RALYL: variants seen among roughly 807,000 people sequenced by gnomAD.
The protein encoded by RALYL is RNA-binding Raly-like protein.
Under a neutral mutation model 35.1 loss-of-function variants are expected in RALYL, and 29 were observed. The observed-to-expected ratio is 0.83, with a 90% CI of 0.61 to 1.13. RALYL has a LOEUF of 1.13. Among genes scored for constraint, RALYL ranks in the 50% most tolerant of loss-of-function variants. The pLI, the probability that RALYL is intolerant of heterozygous loss-of-function variation, is 0.00. For synonymous variants in RALYL, 120 were observed against 127.6 expected (o/e 0.94, Z 0.40); for missense variants, 359 against 360.4 (o/e 1.00, Z 0.03).
chr8:84,581,500 A>T (rs1810824958), intron 2 of RALYL, among the ~76,000 whole-genome samples: 1 of 152,212 alleles, frequency 6.6e-6, no homozygotes. Flanking sequence ...GGACTACGTT[A>T]ACTGATACAT....
rs1412280777 is a variant in RALYL, at chr8:84,523,988, G to A, written c.-23-5311G>A. Among the ~76,000 whole-genome samples, 13 of 152,154 alleles carry A rather than the reference G, an allele frequency of 8.5e-5. No homozygotes were observed. The East Asian group carries it at 1.7e-3, about 20-fold the overall frequency. ...CTGCAATAAACATACATGTGCATGT[G>A]TCTTTATAGCAGCATGATTTATAGT... On this transcript the variant is annotated intron_variant, in intron 1 of 8. Transcript: ENST00000521268.
intron 8 of RALYL, among the ~76,000 whole-genome samples, chr8:84,908,015 G>T (rs1846826477): frequency 6.6e-6 from 1 of 152,018 alleles, no homozygotes; most frequent in Non-Finnish European, 1.5e-5. Context: ...TCTCATTAAT[G>T]CAATCCAAAG....
In RALYL at chr8:84,611,995, G is replaced by A. The variant is rs954240962; in HGVS notation, c.256+82418G>A. Among the ~76,000 whole-genome samples, 7 of 151,660 alleles carry A rather than the reference G, an allele frequency of 4.6e-5. No individual in the cohort carries two copies. The East Asian group carries it at 5.8e-4, about 13-fold the overall frequency. ...TTTTTTTAAATAAATTTACTGTTCC[G>A]GTTTTTTTGTTAATTTTTGTATTTG... is the stretch of plus-strand genomic sequence containing the variant. On this transcript the variant is annotated intron_variant, in intron 2 of 8. Transcript: ENST00000521268.
intron 1 of RALYL, among the ~76,000 whole-genome samples, chr8:84,341,975 T>C (rs1467475014): frequency 6.6e-6 from 1 of 151,834 alleles, no homozygotes; most frequent in Non-Finnish European, 1.5e-5. Flanking sequence ...CTAGTGTAAC[T>C]AACACAGAGG....
At chr8:84,301,383 C>T (rs73296711) in intron 1 of RALYL, among the ~76,000 whole-genome samples, 7,042 of 152,032 alleles carry the variant, frequency 0.046, 265 homozygotes, top group African/African-American at 0.083. Flanking sequence ...TCTTTTATAG[C>T]ATCACACAGG....
At chr8:84,303,680 G>A (rs930601525) in intron 1 of RALYL, among the ~76,000 whole-genome samples, 2 of 152,146 alleles carry the variant, frequency 1.3e-5, no homozygotes, top group African/African-American at 4.8e-5. Flanking sequence ...TGGATATAAT[G>A]TAATGTCCTA....
chr8:84,494,115 T>C (rs2055693147), intron 1 of RALYL, among the ~76,000 whole-genome samples: 1 of 152,216 alleles, frequency 6.6e-6, no homozygotes, highest in South Asian at 2.1e-4. Context: ...TTCAGTTTTC[T>C]GCATATGGCT....
chr8:84,905,375 A>G (rs1360367073), intron 8 of RALYL, among the ~76,000 whole-genome samples: 2 of 152,158 alleles, frequency 1.3e-5, no homozygotes, highest in Non-Finnish European at 2.9e-5. Context: ...TAGTGCTGTA[A>G]TGAGTGTAAG....
intron 2 of RALYL, among the ~76,000 whole-genome samples, chr8:84,644,855 G>A (rs960336726): frequency 4.0e-5 from 6 of 151,724 alleles, no homozygotes; most frequent in Non-Finnish European, 4.4e-5. Context: ...AGGTTCAAGC[G>A]ATTCTTGTGC....
chr8:84,610,355 G>A (rs972338121), intron 2 of RALYL, among the ~76,000 whole-genome samples: 4 of 151,964 alleles, frequency 2.6e-5, no homozygotes, highest in Non-Finnish European at 5.9e-5. Flanking sequence ...GTTGTATTTT[G>A]TCTGATATTT....
At chr8:84,621,907 A>T (rs533857254) in intron 2 of RALYL, among the ~76,000 whole-genome samples, 1 of 152,196 alleles carries the variant, frequency 6.6e-6, no homozygotes, top group South Asian at 2.1e-4. Flanking sequence ...CTCTTTTTCT[A>T]TGAAACCAAT....
chr8:84,547,009 G>A (rs1176938332), intron 2 of RALYL, among the ~76,000 whole-genome samples: 4 of 152,032 alleles, frequency 2.6e-5, no homozygotes, highest in African/African-American at 9.7e-5. Flanking sequence ...GAACGTGCAG[G>A]TTTGTTCCAA....
chr8:84,595,193 C>A (rs775581294), intron 2 of RALYL, among the ~76,000 whole-genome samples: 1 of 152,044 alleles, frequency 6.6e-6, no homozygotes, highest in Non-Finnish European at 1.5e-5. Flanking sequence ...GCCATGATGT[C>A]TTTTATTTAC....
At chr8:84,258,028 C>T (rs1831514176) in intron 1 of RALYL, among the ~76,000 whole-genome samples, 1 of 152,086 alleles carries the variant, frequency 6.6e-6, no homozygotes, top group Admixed American at 6.6e-5. Flanking sequence ...TGGGTATCTA[C>T]ACGAAAATTC....
At chr8:84,648,107 C>T (rs1211412771) in intron 2 of RALYL, among the ~76,000 whole-genome samples, 3 of 152,008 alleles carry the variant, frequency 2.0e-5, no homozygotes, top group East Asian at 1.9e-4. Context: ...TGAGCATGTG[C>T]GCACATGCGT....
chr8:84,257,567 T>A (rs1831430548), intron 1 of RALYL, among the ~76,000 whole-genome samples: 1 of 152,140 alleles, frequency 6.6e-6, no homozygotes, highest in Non-Finnish European at 1.5e-5. Context: ...CAAATTTTCA[T>A]CAACATCGTC....
intron 1 of RALYL, among the ~76,000 whole-genome samples, chr8:84,366,788 A>AAT (rs1854388514): frequency 1.4e-5 from 2 of 147,100 alleles, no homozygotes; most frequent in Non-Finnish European, 3.0e-5. Context: ...AAAAAAAAAA[A>AAT]AAAGGGTATC....
chr8:84,840,113 A>C, intron 4 of RALYL, among the ~76,000 whole-genome samples: 1 of 152,250 alleles, frequency 6.6e-6, no homozygotes, highest in East Asian at 1.9e-4. Context: ...ACAAAGCTGG[A>C]CAGGGAATGA....
rs143147536 is a variant in RALYL at position 84,914,008 on chromosome 8, C to A, written c.859-6886C>A. ...AAAATTGTTAAACAACCGTGACAAC[C>A]TTTCCCCCAGCTATTCAGAATAATT... On this transcript the variant is annotated intron_variant, in intron 8 of 8. Transcript: ENST00000521268. Among the ~76,000 whole-genome samples the A allele has an allele frequency of 1.4e-3, 208 of 152,012 alleles. 1 individual carries two copies. Among genetic ancestry groups the A allele is most frequent in the African/African-American group, 4.6e-3 (189 of 41,502 alleles).
Sources: gnomAD v4.1 joint callset for allele counts (sites outside exome capture counted in the v4.1 genomes callset) on GRCh38, gnomAD v4.1.1 for gene constraint, MANE v1.5 for transcripts, NCBI Gene and HGNC (gene_info 2026-07-23, HGNC 2026-07-21) for gene names.